ZFYVE27: variants seen among roughly 807,000 people sequenced by gnomAD.
The protein encoded by ZFYVE27 is protrudin.
ZFYVE27 carries 36 observed loss-of-function variants against 52.8 expected under a neutral mutation model. The observed-to-expected ratio is 0.68, with a 90% CI of 0.52 to 0.90. The LOEUF is 0.90. Ranked by LOEUF, ZFYVE27 falls within the 40% of genes least tolerant of loss-of-function variation. The pLI, the probability that ZFYVE27 is intolerant of heterozygous loss-of-function variation, is 0.00. For synonymous variants in ZFYVE27, 223 were observed against 215.6 expected (o/e 1.03, Z -0.30); for missense variants, 450 against 527.2 (o/e 0.85, Z 1.43).
At chr10:97,748,770 T>C (rs1488883543) in intron 5 of ZFYVE27, among the ~76,000 whole-genome samples, 2 of 152,194 alleles carry the variant, frequency 1.3e-5, no homozygotes, top group Non-Finnish European at 2.9e-5. Context: ...TGGAATTATT[T>C]ATAATACCAG....
intron 10 of ZFYVE27, 77 bp downstream of exon 10, chr10:97,753,259 C>T: frequency 1.3e-6 from 2 of 1,540,106 alleles, no homozygotes; most frequent in Non-Finnish European, 1.8e-6. Flanking sequence ...AACACCCAGC[C>T]ACAGGGGCAG....
intron 2 of ZFYVE27, among the ~76,000 whole-genome samples, chr10:97,740,448 A>G (rs1019927340): frequency 1.3e-5 from 2 of 152,190 alleles, no homozygotes; most frequent in African/African-American, 4.8e-5. Flanking sequence ...TCTTTAGGAG[A>G]GAGGCTGTGC....
intron 12 of ZFYVE27, 26 bp downstream of exon 12, chr10:97,757,749 C>T: frequency 1.2e-6 from 2 of 1,612,484 alleles, no homozygotes; most frequent in Non-Finnish European, 1.7e-6. Context: ...GGTGGGAGGG[C>T]TTGGTTGGTA....
chr10:97,759,462 G>A lies in ZFYVE27; in HGVS notation c.*162G>A. On this transcript the variant is annotated 3_prime_UTR_variant, in exon 13 of 13. Transcript: ENST00000684270. The stretch of plus-strand genomic sequence containing the variant: ...TCACTCTCTCCAGCTGGATTCTGGA[G>A]CTGTTCTCCATCCATGAGAGTGGCT... 1 of 764,160 alleles carries A rather than the reference G, an allele frequency of 1.3e-6. No individual in the cohort carries two copies. The highest frequency in any genetic ancestry group is 2.3e-6 in the Non-Finnish European group (1 of 440,906). The allele number at this position is 764,160 out of a possible 1,614,324, so 47.3% of individuals were successfully genotyped here.
rs755079080 is a variant in ZFYVE27, at chr10:97,757,767, C to T, written c.1171+44C>T. On this transcript the variant is annotated intron_variant, in intron 12 of 12. Transcript: ENST00000684270. The stretch of plus-strand genomic sequence containing the variant: ...GGGAGGGCTTGGTTGGTATCCCGCC[C>T]AGGGGATGTCACGCTGTGGCACAGA... 172 of 1,590,796 alleles carry T rather than the reference C, an allele frequency of 1.1e-4. 2 individuals carry two copies. The South Asian group carries it at 1.9e-3, about 17-fold the overall frequency.
chr10:97,739,830 T>G (rs1055550842), intron 2 of ZFYVE27, among the ~76,000 whole-genome samples: 14 of 151,872 alleles, frequency 9.2e-5, no homozygotes, highest in African/African-American at 2.9e-4. Flanking sequence ...TTCTTCCTTG[T>G]GGTGCAGACT....
At chr10:97,750,724 TCTTTC>T (rs1273553487) in intron 7 of ZFYVE27, among the ~76,000 whole-genome samples, 1 of 151,952 alleles carries the variant, frequency 6.6e-6, no homozygotes, top group East Asian at 1.9e-4. Flanking sequence ...GCAGGTTCTT[TCTTTC>T]CTTTTCTTTT....
rs147102108 is a variant in ZFYVE27 at position 97,756,171 on chromosome 10, G to A, written c.1043-1094G>A. ...CCTTGCTAAGGAGAGGCTGGGGCAG[G>A]CTGCCTTCCCCAAATTCTTGGTGTA... On this transcript the variant is annotated intron_variant, in intron 10 of 12. Coordinates refer to ENST00000684270, the MANE Select transcript of ZFYVE27 (RefSeq NM_001385875.1). Among the ~76,000 whole-genome samples, 950 of 152,264 alleles carry A rather than the reference G, an allele frequency of 6.2e-3. 13 individuals are homozygous for A. Among genetic ancestry groups the A allele is most frequent in the African/African-American group, 0.02 (844 of 41,536 alleles).
In ZFYVE27 at chr10:97,750,461, A is replaced by C; in HGVS notation, c.795A>C (p.Thr265=). The change falls in exon 7 of 13, where the codon ACA becomes ACC. Residue 265 remains threonine (T), a synonymous_variant. Coordinates refer to ENST00000684270, the MANE Select transcript of ZFYVE27 (RefSeq NM_001385875.1). ...DGLMDSTPAL[T]PTEDLTPGSV... is the part of the protein sequence containing the mutation. ...TGATGGACAGCACGCCTGCCCTCAC[A>C]CCCACGGAGGTAAGTGCCACTGTCA... 1 of 1,613,972 alleles carries C rather than the reference A, an allele frequency of 6.2e-7. No homozygotes were observed. Among genetic ancestry groups the C allele is most frequent in the Non-Finnish European group, 8.5e-7 (1 of 1,180,016 alleles).
intron 12 of ZFYVE27, among the ~76,000 whole-genome samples, chr10:97,758,350 T>C (rs1312730407): frequency 7.0e-6 from 1 of 142,380 alleles, no homozygotes; most frequent in Non-Finnish European, 1.5e-5. Flanking sequence ...TGAGACGGAG[T>C]TTCACTCTTG....
Position 97,744,738 on chromosome 10 carries a change from A to C in ZFYVE27, c.278A>C (p.Tyr93Ser), listed in dbSNP as rs935958054. The change falls in exon 4 of 13, where the codon TAC becomes TCC. Residue 93 changes from tyrosine to serine, a missense_variant. Coordinates refer to ENST00000684270, the MANE Select transcript of ZFYVE27 (RefSeq NM_001385875.1). Reference sequence around the variant, plus strand: ...GTTTTTGATTCTGCAGGTGCATGGTACTCAGTAGGTGCCCTGATGATTTCA... The same window carrying C: ...GTTTTTGATTCTGCAGGTGCATGGTCCTCAGTAGGTGCCCTGATGATTTCA... ...LFLTLNEGAW[Y>S]SVGALMISVP... 1.9e-6 allele frequency: 3 copies of C among 1,613,594 alleles called. No homozygotes were observed. Among genetic ancestry groups the C allele is most frequent in the Non-Finnish European group, 2.5e-6 (3 of 1,180,038 alleles).
Position 97,744,876 on chromosome 10 carries a change from G to A in ZFYVE27, c.416G>A (p.Arg139His), listed in dbSNP as rs1040361764. 1.9e-6 allele frequency: 3 copies of A among 1,605,726 alleles called. No homozygotes were observed. The highest frequency in any genetic ancestry group is 1.3e-5 in the African/African-American group (1 of 74,854). ...AGGCAGGAGGACCTGCAGAGAGGTC[G>A]CCTGTCTCGTCCCGAGGCCGTGGCT... ...SVRQEDLQRGRLSRPEAVAEV... is the reference protein window; with the variant it reads ...SVRQEDLQRGHLSRPEAVAEV... Residue 139 changes from arginine (R) to histidine (H), a missense_variant, in exon 4 of 13, where the codon CGC (arginine) becomes CAC (histidine). Coordinates refer to ENST00000684270, the MANE Select transcript of ZFYVE27 (RefSeq NM_001385875.1).
At chr10:97,742,149 AAAG>A (rs1467299888) in intron 2 of ZFYVE27, among the ~76,000 whole-genome samples, 4 of 152,110 alleles carry the variant, frequency 2.6e-5, no homozygotes, top group South Asian at 4.1e-4. Flanking sequence ...AAAAAAAAAA[AAAG>A]AAAATACATT....
At chr10:97,738,151 G>A (rs1333120263) in intron 1 of ZFYVE27, among the ~76,000 whole-genome samples, 1 of 152,212 alleles carries the variant, frequency 6.6e-6, no homozygotes, top group East Asian at 1.9e-4. Context: ...GAGTAAGGGA[G>A]TGATGTTTAA....
At position 97,737,222 on chromosome 10, in the gene ZFYVE27, C is replaced by A. The variant is rs2042316352; in HGVS notation, c.-101C>A. On this transcript the variant is annotated 5_prime_UTR_variant, in exon 1 of 13. Transcript: ENST00000684270. ...CGAACAACCCTGGCAGGAGGAGCGG[C>A]GTTCAGCCGGGGGAGGCCTGAAGAA... The A allele has an allele frequency of 6.6e-6, 1 of 152,290 alleles. No individual in the cohort carries two copies. The allele number at this position is 152,290 out of a possible 1,614,324, so 9.4% of individuals were successfully genotyped here.
Position 97,757,257 on chromosome 10 carries a change from T to A in ZFYVE27, c.1043-8T>A. ...GGCGGGGGTTGAGCTGCTGCCTCTG[T>A]TTCTCAGGGAACTGCACGGGCTGCT... On this transcript the variant is annotated splice_polypyrimidine_tract_variant and splice_region_variant and intron_variant, in intron 10 of 12. Coordinates refer to ENST00000684270, the MANE Select transcript of ZFYVE27 (RefSeq NM_001385875.1). 1 of 1,614,102 alleles carries A rather than the reference T, an allele frequency of 6.2e-7. No individual in the cohort carries two copies.
intron 1 of ZFYVE27, among the ~76,000 whole-genome samples, chr10:97,738,221 A>G (rs2042635642): frequency 6.6e-6 from 1 of 152,230 alleles, no homozygotes; most frequent in South Asian, 2.1e-4. Context: ...AAAATGTTCC[A>G]GGACATCATT....
intron 8 of ZFYVE27, among the ~76,000 whole-genome samples, chr10:97,752,311 T>G (rs952913410): frequency 7.2e-5 from 11 of 152,238 alleles, no homozygotes; most frequent in Non-Finnish European, 1.3e-4. Context: ...GGCCTGTGAT[T>G]TACCCCAACT....
At chr10:97,749,677 T>G (rs963533221) in intron 6 of ZFYVE27, 91 bp downstream of exon 6, 1 of 1,064,924 alleles carries the variant, frequency 9.4e-7, no homozygotes, top group Non-Finnish European at 1.5e-6. Context: ...CAGCTAATCA[T>G]CAGTTTGCTG....
Sources: allele counts gnomAD v4.1 joint callset (sites outside exome capture counted in the v4.1 genomes callset), GRCh38; gene constraint gnomAD v4.1.1; transcripts MANE v1.5; gene names NCBI Gene and HGNC (gene_info 2026-07-23, HGNC 2026-07-21).